The following TNFRSF19 variants were observed in gnomAD, a reference collection of about 807,000 sequenced individuals.
TNFRSF19 encodes the protein TNF receptor superfamily member 19.
In TNFRSF19, 27 loss-of-function variants were observed where a neutral mutation model predicts 46.4. The observed-to-expected ratio is 0.58, with a 90% CI of 0.43 to 0.80. The LOEUF is 0.80. Ranked by LOEUF, TNFRSF19 falls within the 30% of genes least tolerant of loss-of-function variation. The probability of loss-of-function intolerance (pLI) is 0.00; values close to 1 mark genes in which losing one functional copy is unlikely to be tolerated. For missense variants in TNFRSF19, 511 were observed against 530.8 expected, an observed-to-expected ratio of 0.96 and a Z score of 0.37; for synonymous variants, 204 against 205.0, an observed-to-expected ratio of 1.00 and a Z score of 0.04.
At chr13:23,668,335 C>T (rs923238415) in intron 8 of TNFRSF19, among the ~76,000 whole-genome samples, 2 of 152,090 alleles carry the variant, frequency 1.3e-5, no homozygotes, top group African/African-American at 4.8e-5. Context: ...ATTTTTGACA[C>T]CTCTGTCATC....
At chr13:23,614,550 C>T (rs1011678204) in intron 3 of TNFRSF19, among the ~76,000 whole-genome samples, 1 of 152,018 alleles carries the variant, frequency 6.6e-6, no homozygotes, top group Non-Finnish European at 1.5e-5. Context: ...TCTTGCAAGC[C>T]TTTCTTCCTC....
At chr13:23,617,142 A>G (rs930988429) in intron 4 of TNFRSF19, among the ~76,000 whole-genome samples, 1 of 152,064 alleles carries the variant, frequency 6.6e-6, no homozygotes, top group Admixed American at 6.6e-5. Context: ...CGCAGACAGA[A>G]GGAACCTCCA....
At chr13:23,593,288 CAA>C (rs561606501) in intron 2 of TNFRSF19, 55 bp from the exon 3 acceptor site, 5 of 1,038,122 alleles carry the variant, frequency 4.8e-6, no homozygotes, top group Admixed American at 2.7e-5. Context: ...TCCTTTCTTG[CAA>C]AAAAAAATGT....
At chr13:23,595,552 A>G (rs1350985376) in intron 3 of TNFRSF19, among the ~76,000 whole-genome samples, 2 of 152,208 alleles carry the variant, frequency 1.3e-5, no homozygotes, top group African/African-American at 2.4e-5. Flanking sequence ...TGAAGACAAG[A>G]TTAGAGAAAA....
chr13:23,647,486 T>C (rs1883400309), intron 5 of TNFRSF19, among the ~76,000 whole-genome samples: 1 of 152,180 alleles, frequency 6.6e-6, no homozygotes, highest in African/African-American at 2.4e-5. Flanking sequence ...TACTATAACC[T>C]TGAACTCCTG....
At chr13:23,582,558 GTGAGATTGATTCGCA>G (rs761286028) in intron 1 of TNFRSF19, among the ~76,000 whole-genome samples, 112 of 152,308 alleles carry the variant, frequency 7.4e-4, no homozygotes, top group Non-Finnish European at 1.3e-3. Context: ...AACACCCTTA[GTGAGATTGATTCGCA>G]TATAGTAAGT....
At chr13:23,594,850 C>G (rs1201434185) in intron 3 of TNFRSF19, among the ~76,000 whole-genome samples, 1 of 152,212 alleles carries the variant, frequency 6.6e-6, no homozygotes, top group Non-Finnish European at 1.5e-5. Context: ...CGCCAGACAC[C>G]TCATACAGGA....
At chr13:23,579,697 C>G (rs1037756284) in intron 1 of TNFRSF19, among the ~76,000 whole-genome samples, 2 of 152,194 alleles carry the variant, frequency 1.3e-5, no homozygotes, top group African/African-American at 4.8e-5. Flanking sequence ...AAGGGAACCC[C>G]CGAAGGGGCT....
At chr13:23,596,108 A>G (rs996951730) in intron 3 of TNFRSF19, among the ~76,000 whole-genome samples, 5 of 152,234 alleles carry the variant, frequency 3.3e-5, no homozygotes, top group Non-Finnish European at 5.9e-5. Flanking sequence ...CTCCTGAAGG[A>G]AGCACTGAAT....
At chr13:23,661,136 TTTAA>T (rs1411084528) in intron 7 of TNFRSF19, among the ~76,000 whole-genome samples, 1 of 152,186 alleles carries the variant, frequency 6.6e-6, no homozygotes. Flanking sequence ...TTACAGATTA[TTTAA>T]TTATTTAAGC....
At chr13:23,610,661 C>T (rs1037308543) in intron 3 of TNFRSF19, among the ~76,000 whole-genome samples, 11 of 152,044 alleles carry the variant, frequency 7.2e-5, no homozygotes, top group Admixed American at 5.9e-4. Context: ...ATTTGTTCAT[C>T]CGTTTGTTTA....
At chr13:23,578,240 G>A (rs1165822603) in intron 1 of TNFRSF19, among the ~76,000 whole-genome samples, 1 of 152,180 alleles carries the variant, frequency 6.6e-6, no homozygotes, top group Non-Finnish European at 1.5e-5. Context: ...GGACAGGGAA[G>A]CACACACTTG....
chr13:23,613,761 A>G (rs552123629), intron 3 of TNFRSF19, among the ~76,000 whole-genome samples: 2 of 152,288 alleles, frequency 1.3e-5, no homozygotes, highest in South Asian at 4.1e-4. Context: ...GCTCTCTCCT[A>G]TACTTCAGAA....
chr13:23,578,426 T>C (rs1221290110), intron 1 of TNFRSF19, among the ~76,000 whole-genome samples: 1 of 152,166 alleles, frequency 6.6e-6, no homozygotes, highest in African/African-American at 2.4e-5. Flanking sequence ...TGCTACGCCG[T>C]TGGAAGCCTG....
chr13:23,622,503 C>G (rs1002720685), intron 4 of TNFRSF19, among the ~76,000 whole-genome samples: 1 of 152,086 alleles, frequency 6.6e-6, no homozygotes, highest in Non-Finnish European at 1.5e-5. Flanking sequence ...TCTCATGGTC[C>G]TCAAACTTTT....
chr13:23,667,690 A>T (rs9507141), intron 7 of TNFRSF19, among the ~76,000 whole-genome samples: 37,329 of 151,796 alleles, frequency 0.25, 5,117 homozygotes, highest in Middle Eastern at 0.4. Context: ...CATCCTCCCA[A>T]ACTGAAACTC....
chr13:23,616,560 TTTTGTTTG>T (rs35916122), intron 4 of TNFRSF19, among the ~76,000 whole-genome samples: 6 of 148,936 alleles, frequency 4.0e-5, no homozygotes, highest in Non-Finnish European at 8.9e-5. Context: ...TTCTTATAGG[TTTTGTTTG>T]TTTGTTTGTT....
At chr13:23,589,186 C>T (rs530005020) in intron 1 of TNFRSF19, among the ~76,000 whole-genome samples, 32 of 152,204 alleles carry the variant, frequency 2.1e-4, no homozygotes, top group Non-Finnish European at 4.4e-4. Flanking sequence ...GATGGTGCAG[C>T]CAGATGAGGC....
chr13:23,594,148 C>T, intron 3 of TNFRSF19: 1 of 416,284 alleles, frequency 2.4e-6, no homozygotes. Flanking sequence ...CACTGGGGCC[C>T]TGAGTTTTAA....
Sources: allele counts gnomAD v4.1 joint callset (sites outside exome capture counted in the v4.1 genomes callset), GRCh38; gene constraint gnomAD v4.1.1; transcripts MANE v1.5; gene names NCBI Gene and HGNC (gene_info 2026-07-23, HGNC 2026-07-21).